TEX11: variants seen among roughly 807,000 people sequenced by gnomAD.
TEX11 encodes testis expressed 11, also known as testis-expressed protein 11.
TEX11 carries 7 observed loss-of-function variants against 84.4 expected under a neutral mutation model. That is an observed-to-expected ratio of 0.08 (90% CI 0.05 to 0.16). The LOEUF is 0.16. Ranked by LOEUF, TEX11 falls within the 10% of genes least tolerant of loss-of-function variation. The probability of loss-of-function intolerance (pLI) is 1.00; values close to 1 mark genes in which losing one functional copy is unlikely to be tolerated. For missense variants in TEX11, 551 were observed against 660.5 expected, an observed-to-expected ratio of 0.83 and a Z score of 1.82; for synonymous variants, 264 against 222.8, an observed-to-expected ratio of 1.18 and a Z score of -1.64.
At chrX:70,742,423 T>C (rs1394787129) in intron 10 of TEX11, among the ~76,000 whole-genome samples, 1 of 109,629 alleles carries the variant, frequency 9.1e-6, no homozygotes, top group Admixed American at 9.9e-5. Context: ...AAATTGACCA[T>C]CTTAAACTTT....
intron 14 of TEX11, among the ~76,000 whole-genome samples, chrX:70,679,562 A>G (rs1317195267): frequency 3.0e-5 from 3 of 98,429 alleles, no homozygotes; most frequent in African/African-American, 7.6e-5. Flanking sequence ...GCCCCGTCTG[A>G]GAAGTGAGGA....
chrX:70,905,451 T>C (rs1412855296), intron 2 of TEX11, among the ~76,000 whole-genome samples: 1 of 111,716 alleles, frequency 9.0e-6, no homozygotes, highest in African/African-American at 3.3e-5. Flanking sequence ...AATATCATAG[T>C]GTACTGCATG....
chrX:70,864,754 A>G (rs1224346973), intron 4 of TEX11, among the ~76,000 whole-genome samples: 3 of 107,621 alleles, frequency 2.8e-5, no homozygotes, highest in Admixed American at 1.0e-4. Flanking sequence ...AAAAAAAAAA[A>G]AAAAAGAAAA....
chrX:70,640,699 CT>C (rs1419775661), intron 17 of TEX11, among the ~76,000 whole-genome samples: 2 of 108,823 alleles, frequency 1.8e-5, no homozygotes, highest in African/African-American at 6.7e-5. Context: ...AAATAAAATA[CT>C]TTACAGACAA....
chrX:70,741,795 A>C (rs1166241935), intron 10 of TEX11, among the ~76,000 whole-genome samples: 1 of 110,662 alleles, frequency 9.0e-6, no homozygotes, highest in Non-Finnish European at 1.9e-5. Context: ...GACCCCAAAA[A>C]GGCCTGTCTC....
At chrX:70,839,799 C>T (rs1355170936) in intron 7 of TEX11, among the ~76,000 whole-genome samples, 4 of 111,541 alleles carry the variant, frequency 3.6e-5, no homozygotes, top group Non-Finnish European at 7.5e-5. Context: ...CTTCAAGGAC[C>T]TGATGGAGCT....
intron 28 of TEX11, among the ~76,000 whole-genome samples, chrX:70,540,780 C>G (rs2088032928): frequency 8.9e-6 from 1 of 111,869 alleles, no homozygotes; most frequent in East Asian, 2.8e-4. Context: ...GTCAGCTCTT[C>G]CTGGGGAGCC....
At chrX:70,581,360 G>A (rs1244373437) in intron 25 of TEX11, among the ~76,000 whole-genome samples, 1 of 97,113 alleles carries the variant, frequency 1.0e-5, no homozygotes, top group African/African-American at 3.8e-5. Flanking sequence ...GTGCAGTGGC[G>A]TGATCTCGGC....
At chrX:70,895,648 A>T (rs1219833678) in intron 2 of TEX11, among the ~76,000 whole-genome samples, 1 of 112,141 alleles carries the variant, frequency 8.9e-6, no homozygotes, top group East Asian at 2.8e-4. Flanking sequence ...TAACCAAAAC[A>T]GCATGGTACT....
At chrX:70,631,207 G>GCA (rs2089506718) in intron 17 of TEX11, among the ~76,000 whole-genome samples, 1 of 111,517 alleles carries the variant, frequency 9.0e-6, no homozygotes, top group Non-Finnish European at 1.9e-5. Flanking sequence ...CCTCTCAAGT[G>GCA]CACATGAAAT....
chrX:70,648,821 G>A (rs1243446794), intron 17 of TEX11, among the ~76,000 whole-genome samples: 2 of 110,857 alleles, frequency 1.8e-5, no homozygotes, highest in Non-Finnish European at 3.8e-5. Flanking sequence ...CATCACCTAG[G>A]TTTTAAGCCT....
intron 25 of TEX11, among the ~76,000 whole-genome samples, chrX:70,555,185 C>T (rs936742578): frequency 9.0e-6 from 1 of 111,546 alleles, no homozygotes; most frequent in Non-Finnish European, 1.9e-5. Context: ...CTCTAATGGC[C>T]GAGTTAACCA....
At position 70,713,205 on chromosome X, in the gene TEX11, G is replaced by A. The variant is rs189173016; in HGVS notation, c.1004+9413C>T. ...GGATTCGGTTTGCCAGTATTTTATT[G>A]AGGATTTTTGCATCGATGTTCATCA... On this transcript the variant is annotated intron_variant, in intron 13 of 29. Coordinates refer to ENST00000374333, the MANE Select transcript of TEX11 (RefSeq NM_031276.3). Among the ~76,000 whole-genome samples, 904 of 111,764 alleles carry A rather than the reference G, an allele frequency of 8.1e-3. 6 individuals are homozygous for A. Among genetic ancestry groups the A allele is most frequent in the Non-Finnish European group, 0.014 (719 of 53,077 alleles).
intron 17 of TEX11, among the ~76,000 whole-genome samples, chrX:70,638,355 A>G (rs1344734182): frequency 8.9e-6 from 1 of 111,881 alleles, no homozygotes; most frequent in Non-Finnish European, 1.9e-5. Context: ...TGCCGAAGAG[A>G]AAAAACCCTG....
At chrX:70,550,705 T>C (rs1187346009) in intron 28 of TEX11, among the ~76,000 whole-genome samples, 3 of 111,862 alleles carry the variant, frequency 2.7e-5, no homozygotes, top group Non-Finnish European at 5.6e-5. Context: ...AGATATCATC[T>C]CACCCCAGTT....
intron 9 of TEX11, among the ~76,000 whole-genome samples, chrX:70,758,657 G>A (rs1287492304): frequency 8.9e-6 from 1 of 111,972 alleles, no homozygotes; most frequent in Admixed American, 9.5e-5. Context: ...ATGCCCACAA[G>A]AAAAAGCAAG....
chrX:70,544,788 G>A (rs2147938558), intron 28 of TEX11, among the ~76,000 whole-genome samples: 1 of 89,446 alleles, frequency 1.1e-5, no homozygotes, highest in East Asian at 3.6e-4. Context: ...GCAGTGAGCC[G>A]AGATTGTGCC....
At chrX:70,512,418 C>T in the TEX11 span, among the ~76,000 whole-genome samples, 2 of 107,568 alleles carry the variant, frequency 1.9e-5, no homozygotes, top group Non-Finnish European at 3.8e-5. Context: ...GGGGTTTCAC[C>T]ATGATGGCCA....
At chrX:70,644,588 A>C (rs1368285546) in intron 17 of TEX11, among the ~76,000 whole-genome samples, 2 of 103,721 alleles carry the variant, frequency 1.9e-5, no homozygotes, top group Admixed American at 1.1e-4. Flanking sequence ...AATACTATGC[A>C]GCCATAAAAA....
Sources: allele counts gnomAD v4.1 joint callset (sites outside exome capture counted in the v4.1 genomes callset), GRCh38; gene constraint gnomAD v4.1.1; transcripts MANE v1.5; gene names NCBI Gene and HGNC (gene_info 2026-07-23, HGNC 2026-07-21).